Variants in PLBD2 observed in about 807,000 individuals in gnomAD.
PLBD2 encodes the protein putative aminopeptidase PLBD2.
PLBD2 carries 51 observed loss-of-function variants against 68.3 expected under a neutral mutation model. The ratio of observed to expected loss-of-function variants is 0.75; its 90% CI spans 0.60 to 0.94. The LOEUF (loss-of-function observed/expected upper bound fraction) is 0.94, where lower values mean the gene tolerates loss of function less well. Ranked by LOEUF, PLBD2 falls within the 40% of genes least tolerant of loss-of-function variation. PLBD2 has a pLI of 0.00. For missense variants in PLBD2, 729 were observed against 792.2 expected, an observed-to-expected ratio of 0.92 and a Z score of 0.96; for synonymous variants, 314 against 339.3, an observed-to-expected ratio of 0.93 and a Z score of 0.82.
At chr12:113,378,101 G>A (rs1957450320) in intron 5 of PLBD2, among the ~76,000 whole-genome samples, 1 of 152,164 alleles carries the variant, frequency 6.6e-6, no homozygotes, top group South Asian at 2.1e-4. Context: ...GTTCGAGACT[G>A]GCCAACATGG....
chr12:113,374,865 G>A lies in PLBD2; in HGVS notation c.717G>A (p.Leu239=). The A allele has an allele frequency of 6.2e-7, 1 of 1,613,980 alleles. No homozygotes were observed. Among genetic ancestry groups the A allele is most frequent in the Non-Finnish European group, 8.5e-7 (1 of 1,180,040 alleles). Residue 239 remains leucine, a synonymous_variant, in exon 5 of 12, where the codon CTG becomes CTA. Transcript: ENST00000280800. ...ALNKTKIKPS[L]GSGSCSALIK... ...ACAAGACCAAGATCAAACCTTCTCT[G>A]GGCTCTGGCTCCTGTTCTGCCCTCA...
chr12:113,371,149 C>T (rs1366122544), intron 2 of PLBD2, among the ~76,000 whole-genome samples: 1 of 152,192 alleles, frequency 6.6e-6, no homozygotes, highest in East Asian at 1.9e-4. Flanking sequence ...CAGATGGAGG[C>T]ATGCATTGGG....
At chr12:113,380,521 G>A (rs983279806) in intron 5 of PLBD2, among the ~76,000 whole-genome samples, 1 of 152,214 alleles carries the variant, frequency 6.6e-6, no homozygotes, top group African/African-American at 2.4e-5. Context: ...CACGGACATG[G>A]AGGGCCAACT....
At chr12:113,365,336 T>G (rs1179850832) in intron 1 of PLBD2, among the ~76,000 whole-genome samples, 1 of 152,022 alleles carries the variant, frequency 6.6e-6, no homozygotes, top group Non-Finnish European at 1.5e-5. Context: ...TTTTTTTTTT[T>G]TTTTTGACAG....
At chr12:113,369,486 T>C (rs1957370389) in intron 2 of PLBD2, among the ~76,000 whole-genome samples, 1 of 152,192 alleles carries the variant, frequency 6.6e-6, no homozygotes, top group African/African-American at 2.4e-5. Context: ...ACTCATCACA[T>C]GCAGTAAAAC....
At position 113,374,942 on chromosome 12, in the gene PLBD2, A is replaced by G. The variant is rs1321310742; in HGVS notation, c.794A>G (p.Asn265Ser). The change falls in exon 5 of 12, where the codon AAC (asparagine) becomes AGC (serine). Residue 265 changes from asparagine to serine, a missense_variant. Transcript: ENST00000280800. ...CTCCTGGTTGCCCACAACACCTGGA[A>G]CAACTACCAGCACATGCTGCGTGTC... ...SDLLVAHNTW[N>S]NYQHMLRVIK... 2 of 1,614,154 alleles carry G rather than the reference A, an allele frequency of 1.2e-6. No homozygotes were observed. The highest frequency in any genetic ancestry group is 1.6e-4 in the Middle Eastern group (1 of 6,062).
intron 3 of PLBD2, 80 bp from the exon 4 acceptor site, chr12:113,374,394 A>G: frequency 1.0e-6 from 1 of 996,048 alleles, no homozygotes; most frequent in Non-Finnish European, 1.5e-6. Flanking sequence ...CCCCCAGGCC[A>G]GAGCCCGTCC....
chr12:113,358,626 C>T lies in PLBD2; in HGVS notation c.26C>T (p.Pro9Leu). The T allele has an allele frequency of 6.8e-7, 1 of 1,467,954 alleles. No homozygotes were observed. The highest frequency in any genetic ancestry group is 1.3e-5 in the South Asian group (1 of 75,936). The allele number at this position is 1,467,954 out of a possible 1,614,324, so 90.9% of individuals were successfully genotyped here. The change falls in exon 1 of 12, where the codon CCC becomes CTC. Residue 9 changes from proline to leucine, a missense_variant. Physicochemically the swap from Pro to Leu is moderately conservative, Grantham distance 98 (BLOSUM62 -3). Transcript: ENST00000280800. ...ATGGTGGGCCAGATGTACTGCTACC[C>T]CGGCAGCCACCTGGCCCGGGCGCTG... is the stretch of plus-strand genomic sequence containing the variant. Reference protein sequence around the residue: MVGQMYCYPGSHLARALTR... With the variant: MVGQMYCYLGSHLARALTR...
chr12:113,366,025 A>G (rs1359191185), intron 1 of PLBD2, among the ~76,000 whole-genome samples: 1 of 152,144 alleles, frequency 6.6e-6, no homozygotes, highest in Non-Finnish European at 1.5e-5. Flanking sequence ...GGCCAGATGA[A>G]CATCATTCAT....
Position 113,388,574 on chromosome 12 carries a change from T to C in PLBD2, c.1718T>C (p.Met573Thr). 1.9e-6 allele frequency: 3 copies of C among 1,609,830 alleles called. No homozygotes were observed. The highest frequency in any genetic ancestry group is 2.5e-6 in the Non-Finnish European group (3 of 1,177,318). ...TCGCCCTTCAGCGGCCTGCTGCACATGGGCCAGCCAGACCTCTGGAAGTTC... is the reference window on the plus strand; with the variant it reads ...TCGCCCTTCAGCGGCCTGCTGCACACGGGCCAGCCAGACCTCTGGAAGTTC... ...STSPFSGLLH[M>T]GQPDLWKFAP... The change falls in exon 12 of 12, where the codon ATG becomes ACG. Residue 573 changes from methionine (M) to threonine (T), a missense_variant. Physicochemically the swap from Met to Thr is moderately conservative, Grantham distance 81 (BLOSUM62 -1). Coordinates refer to ENST00000280800, the MANE Select transcript of PLBD2 (RefSeq NM_173542.4).
intron 5 of PLBD2, among the ~76,000 whole-genome samples, chr12:113,378,027 T>C (rs2136915249): frequency 6.6e-6 from 1 of 152,354 alleles, no homozygotes; most frequent in South Asian, 2.1e-4. Context: ...CTGGGCACAA[T>C]GGCTTATGCC....
At chr12:113,387,601 ACTGTCG>A (rs1957563699) in intron 10 of PLBD2, 137 bp from the exon 11 acceptor site, 1 of 881,454 alleles carries the variant, frequency 1.1e-6, no homozygotes, top group African/African-American at 1.7e-5. Flanking sequence ...AGGCAGAGGA[ACTGTCG>A]GGGGTAGTGT....
At position 113,390,206 on chromosome 12, in the gene PLBD2, C is replaced by G. The variant is rs1957596777; in HGVS notation, c.*1580C>G. The stretch of plus-strand genomic sequence containing the variant: ...TCTACCCACCCATTCATCCACCCAC[C>G]CATCCAACTACCTATCCATTCATCC... On this transcript the variant is annotated 3_prime_UTR_variant, in exon 12 of 12. Coordinates refer to ENST00000280800, the MANE Select transcript of PLBD2 (RefSeq NM_173542.4). 1 of 151,950 alleles carries G rather than the reference C, an allele frequency of 6.6e-6. No homozygotes were observed. The highest frequency in any genetic ancestry group is 1.5e-5 in the Non-Finnish European group (1 of 67,980). 9.4% of individuals were successfully genotyped at this position (151,950 alleles called of 1,614,324 possible).
intron 1 of PLBD2, among the ~76,000 whole-genome samples, chr12:113,368,436 G>A (rs1957360438): frequency 6.6e-6 from 1 of 152,190 alleles, no homozygotes; most frequent in African/African-American, 2.4e-5. Flanking sequence ...TGGGACCAGT[G>A]GGCTGGCCGG....
chr12:113,384,195 A>G lies in PLBD2; in HGVS notation c.1048A>G (p.Ile350Val), dbSNP rs745972117. ...RGCVLEWVRN[I>V]VANRLASDGA... ...CTGTGTGCTGGAGTGGGTACGCAAC[A>G]TCGTGGCCAACCGCCTGGCCTCGGA... Residue 350 changes from isoleucine to valine, a missense_variant, in exon 7 of 12, where the codon ATC (isoleucine) becomes GTC (valine). Physicochemically the swap from Ile to Val is conservative, Grantham distance 29 (BLOSUM62 3). Transcript: ENST00000280800. The surrounding 1 kb of genome is among the most constrained non-coding windows in gnomAD (Gnocchi z 4.2). The G allele has an allele frequency of 3.1e-6, 5 of 1,613,922 alleles. No individual in the cohort carries two copies. Among genetic ancestry groups the G allele is most frequent in the South Asian group, 1.1e-5 (1 of 91,076 alleles).
intron 1 of PLBD2, among the ~76,000 whole-genome samples, chr12:113,367,501 T>A (rs1019763744): frequency 2.6e-5 from 4 of 151,938 alleles, no homozygotes; most frequent in Non-Finnish European, 4.4e-5. Context: ...TGTAATCCCA[T>A]CACTTTGGGA....
Position 113,388,485 on chromosome 12 carries a change from C to A in PLBD2, c.1629C>A (p.Ile543=), listed in dbSNP as rs1483462915. ...TGACCAGCATGTCACTGGCCAGGAT[C>A]CTGAGCCTGCTGGCGGCCAGCGGTC... ...VKVTSMSLAR[I]LSLLAASGPT... The change falls in exon 12 of 12, where the codon ATC becomes ATA. Residue 543 remains isoleucine (I), a synonymous_variant. Coordinates refer to ENST00000280800, the MANE Select transcript of PLBD2 (RefSeq NM_173542.4). The A allele has an allele frequency of 1.2e-6, 2 of 1,601,974 alleles. No homozygotes were observed. Among genetic ancestry groups the A allele is most frequent in the Non-Finnish European group, 1.7e-6 (2 of 1,177,120 alleles).
intron 1 of PLBD2, among the ~76,000 whole-genome samples, chr12:113,368,275 A>G (rs1337759288): frequency 1.3e-5 from 2 of 152,154 alleles, no homozygotes; most frequent in Admixed American, 6.6e-5. Context: ...ATCCGCTAGT[A>G]TTGGGCAGCA....
chr12:113,380,633 G>A lies in PLBD2; in HGVS notation c.860-112G>A, dbSNP rs145612426. On this transcript the variant is annotated intron_variant, in intron 5 of 11. Transcript: ENST00000280800. ...AAATGACAAAAAGGACACAGTGGGG[G>A]CTTCCTCGGAGGCCTGCCTGTGCCC... The A allele has an allele frequency of 6.6e-4, 513 of 774,160 alleles. 1 individual carries two copies. In the African/African-American group the frequency reaches 7.7e-3, roughly 12 times the overall value. The allele number at this position is 774,160 out of a possible 1,614,324, so 48.0% of individuals were successfully genotyped here.
Sources: allele counts gnomAD v4.1 joint callset (sites outside exome capture counted in the v4.1 genomes callset), GRCh38; gene constraint gnomAD v4.1.1; non-coding constraint Gnocchi (gnomAD v3.1); transcripts MANE v1.5; gene names NCBI Gene and HGNC (gene_info 2026-07-23, HGNC 2026-07-21).